The following SLC25A14 variants were observed in gnomAD, a reference collection of about 807,000 sequenced individuals.
SLC25A14 encodes brain mitochondrial carrier protein 1.
SLC25A14 carries 8 observed loss-of-function variants against 28.1 expected under a neutral mutation model. That is an observed-to-expected ratio of 0.28 (90% CI 0.17 to 0.51). SLC25A14 has a LOEUF of 0.51. SLC25A14 is among the 20% of genes least tolerant of loss of function. SLC25A14 has a pLI of 0.97. For missense variants in SLC25A14, 135 were observed against 263.8 expected, an observed-to-expected ratio of 0.51 and a Z score of 3.38; for synonymous variants, 74 against 90.6, an observed-to-expected ratio of 0.82 and a Z score of 1.04.
At chrX:130,363,923 T>TA (rs747780941) in intron 7 of SLC25A14, among the ~76,000 whole-genome samples, 253 of 110,967 alleles carry the variant, frequency 2.3e-3, no homozygotes, top group African/African-American at 7.9e-3. Flanking sequence ...TTTTAAGAGA[T>TA]AGAGTCTTAC....
intron 8 of SLC25A14, chrX:130,365,251 T>G: frequency 1.2e-6 from 1 of 853,327 alleles, no homozygotes; most frequent in East Asian, 7.2e-5. Flanking sequence ...TTTGAAAAAT[T>G]TATGTAACTA....
chrX:130,366,790 T>G, intron 9 of SLC25A14, among the ~76,000 whole-genome samples: 1 of 112,378 alleles, frequency 8.9e-6, no homozygotes, highest in East Asian at 2.8e-4. Flanking sequence ...CCACAGTGGT[T>G]CCTCATCTTG....
intron 7 of SLC25A14, among the ~76,000 whole-genome samples, chrX:130,361,665 G>A: frequency 9.0e-6 from 1 of 111,681 alleles, no homozygotes; most frequent in East Asian, 2.8e-4. Flanking sequence ...CCACAGAGTT[G>A]GAGAGAGAGT....
At chrX:130,340,866 C>T (rs1200652074) in intron 2 of SLC25A14, among the ~76,000 whole-genome samples, 1 of 110,949 alleles carries the variant, frequency 9.0e-6, no homozygotes, top group East Asian at 2.8e-4. Flanking sequence ...AAACATGCAG[C>T]CCCCTCCTAC....
chrX:130,367,812 A>C (rs932127160), intron 9 of SLC25A14, among the ~76,000 whole-genome samples: 4 of 111,756 alleles, frequency 3.6e-5, no homozygotes, highest in African/African-American at 1.3e-4. Flanking sequence ...ATTTTTATTT[A>C]TTTATTTATG....
At chrX:130,354,546 G>C (rs2033731840) in intron 6 of SLC25A14, among the ~76,000 whole-genome samples, 1 of 112,048 alleles carries the variant, frequency 8.9e-6, no homozygotes, top group Non-Finnish European at 1.9e-5. Flanking sequence ...CCATCTAGAG[G>C]ACTGCAGTTA....
chrX:130,340,079 CGGTCCTCT>C lies in SLC25A14; in HGVS notation c.-172-23_-172-16del. On this transcript the variant is annotated intron_variant, in intron 1 of 10. Coordinates refer to ENST00000545805, the MANE Select transcript of SLC25A14 (RefSeq NM_001282195.2). ...GGTTCCCGGCCTGGGAGGGGCTTAA[CGGTCCTCT>C]GGTCTCTCTCTCCCCTCAGCTGAGT... 9.5e-7 allele frequency: 1 copy of C among 1,047,461 alleles called. No individual in the cohort carries two copies. Among genetic ancestry groups the C allele is most frequent in the Non-Finnish European group, 1.2e-6 (1 of 818,243 alleles). The allele number at this position is 1,047,461 out of a possible 1,213,427, so 86.3% of individuals were successfully genotyped here. A position where few individuals can be genotyped will look rare whatever the true frequency, so the allele number is the denominator to read the frequency against.
chrX:130,371,762 G>A (rs997123707), intron 10 of SLC25A14, 118 bp downstream of exon 10: 8 of 492,451 alleles, frequency 1.6e-5, no homozygotes, highest in Non-Finnish European at 2.8e-5. Flanking sequence ...GCATCCCATT[G>A]GTGACCCTTG....
intron 4 of SLC25A14, 103 bp from the exon 5 acceptor site, chrX:130,349,148 C>A: frequency 2.8e-6 from 1 of 357,001 alleles, no homozygotes. Flanking sequence ...TCATATTCTG[C>A]TGTTGTTGGG....
At chrX:130,370,271 A>T (rs938671668) in intron 9 of SLC25A14, among the ~76,000 whole-genome samples, 1 of 112,242 alleles carries the variant, frequency 8.9e-6, no homozygotes, top group African/African-American at 3.2e-5. Flanking sequence ...AATGTACAGG[A>T]TGGGAAAAAG....
chrX:130,370,427 T>C (rs1237360226), intron 9 of SLC25A14, among the ~76,000 whole-genome samples: 2 of 112,342 alleles, frequency 1.8e-5, no homozygotes, highest in Non-Finnish European at 3.8e-5. Context: ...TGTAGTTATG[T>C]AATAGATATT....
chrX:130,370,401 A>G (rs1274141338), intron 9 of SLC25A14, among the ~76,000 whole-genome samples: 9 of 112,066 alleles, frequency 8.0e-5, no homozygotes, highest in African/African-American at 2.9e-4. Context: ...AATGTCTAAC[A>G]CAATGCCTAA....
rs145571486 is a variant in SLC25A14, at chrX:130,345,262, C to T, written c.156C>T (p.Ile52=). 1.8e-4 allele frequency: 206 copies of T among 1,173,593 alleles called. No individual in the cohort carries two copies. The highest frequency in any genetic ancestry group is 2.3e-4 in the Non-Finnish European group (200 of 862,209). ...KPFVYGGLAS[I]VAEFGTFPVD... ...TTGTATATGGCGGCCTTGCCTCTATCGTGGCTGAGTTTGGTAAGAATGTGA... is the reference window on the plus strand; with the variant it reads ...TTGTATATGGCGGCCTTGCCTCTATTGTGGCTGAGTTTGGTAAGAATGTGA... The change falls in exon 3 of 11, where the codon ATC becomes ATT. Residue 52 remains isoleucine, a synonymous_variant. Transcript: ENST00000545805.
chrX:130,367,414 G>A (rs1332299473), intron 9 of SLC25A14, among the ~76,000 whole-genome samples: 1 of 111,819 alleles, frequency 8.9e-6, no homozygotes, highest in Non-Finnish European at 1.9e-5. Context: ...AGAGGAGCAC[G>A]TCTTGGGGGA....
At chrX:130,340,632 G>A (rs2033225836) in intron 2 of SLC25A14, among the ~76,000 whole-genome samples, 2 of 110,399 alleles carry the variant, frequency 1.8e-5, no homozygotes, top group Admixed American at 9.6e-5. Context: ...CTCTTCCCTC[G>A]TCTTCATTCC....
intron 9 of SLC25A14, among the ~76,000 whole-genome samples, chrX:130,368,189 AGAAG>A (rs1023645931): frequency 4.4e-5 from 5 of 112,614 alleles, no homozygotes; most frequent in Non-Finnish European, 9.4e-5. Flanking sequence ...ATGAGTTTCA[AGAAG>A]GAATGAGTGG....
intron 7 of SLC25A14, among the ~76,000 whole-genome samples, chrX:130,361,073 G>T (rs933954116): frequency 5.3e-5 from 6 of 112,253 alleles, no homozygotes; most frequent in Non-Finnish European, 9.4e-5. Flanking sequence ...TTAGCATGAT[G>T]TTCTCAAGGT....
chrX:130,340,972 C>T (rs777206597), intron 2 of SLC25A14, among the ~76,000 whole-genome samples: 1 of 110,947 alleles, frequency 9.0e-6, no homozygotes, highest in African/African-American at 3.3e-5. Flanking sequence ...CAAGGGAATT[C>T]TCTGTTCCAG....
intron 3 of SLC25A14, 107 bp from the exon 4 acceptor site, chrX:130,346,436 TA>T (rs899585307): frequency 1.9e-5 from 12 of 636,308 alleles, no homozygotes; most frequent in Non-Finnish European, 3.0e-5. Flanking sequence ...CTATGTGTTA[TA>T]AAAAGGACTT....
Sources: gnomAD v4.1 joint callset for allele counts (sites outside exome capture counted in the v4.1 genomes callset) on GRCh38, gnomAD v4.1.1 for gene constraint, MANE v1.5 for transcripts, NCBI Gene and HGNC (gene_info 2026-07-23, HGNC 2026-07-21) for gene names.